The following INSL6 variants were observed in gnomAD, a reference collection of about 807,000 sequenced individuals.
The protein encoded by INSL6 is insulin like 6, also known as insulin-like peptide INSL6.
A neutral mutation model predicts 9.4 loss-of-function variants in INSL6; 16 were observed. That is an observed-to-expected ratio of 1.70 (90% CI 1.15 to 2.59). The LOEUF (loss-of-function observed/expected upper bound fraction) is 2.59, where lower values mean the gene tolerates loss of function less well. Ranked by LOEUF, INSL6 falls within the 30% of genes most tolerant of loss-of-function variation. The pLI, the probability that INSL6 is intolerant of heterozygous loss-of-function variation, is 0.00. For missense variants in INSL6, 391 were observed against 257.3 expected (o/e 1.52, Z -3.56); for synonymous variants, 154 against 96.9 (o/e 1.59, Z -3.46).
At chr9:5,119,012 C>T (rs1208089696), downstream of INSL6, among the ~76,000 whole-genome samples, 4 of 152,050 alleles carry the variant, frequency 2.6e-5, no homozygotes, top group Non-Finnish European at 4.4e-5. Flanking sequence ...TAAACTAATA[C>T]ATTCAGAAAA....
downstream of INSL6, chr9:5,122,996 A>G (rs770408175): frequency 6.3e-7 from 1 of 1,577,568 alleles, no homozygotes; most frequent in South Asian, 1.1e-5. Context: ...TTATTCATAT[A>G]TTTACAGGTA....
chr9:5,036,408 C>T, the INSL6 span, among the ~76,000 whole-genome samples: 8 of 152,094 alleles, frequency 5.3e-5, no homozygotes, highest in African/African-American at 1.9e-4. Context: ...AAAAAGAGCC[C>T]ACATTGCCAA....
At chr9:5,176,483 G>C (rs1275717658) in intron 1 of INSL6, among the ~76,000 whole-genome samples, 1 of 152,090 alleles carries the variant, frequency 6.6e-6, no homozygotes, top group Non-Finnish European at 1.5e-5. Flanking sequence ...TGGATGCTTA[G>C]TAGGTACCCA....
the INSL6 span, among the ~76,000 whole-genome samples, chr9:5,073,258 A>G: frequency 6.6e-6 from 1 of 152,232 alleles, no homozygotes; most frequent in Middle Eastern, 3.2e-3. Flanking sequence ...GAGTGATGTT[A>G]AAACTATGCT....
At chr9:5,112,708 A>C in the INSL6 span, 1 of 853,414 alleles carries the variant, frequency 1.2e-6, no homozygotes, top group Non-Finnish European at 1.7e-6. Flanking sequence ...AGCAAGTGCG[A>C]GAGCGGAACC....
At chr9:5,148,876 T>A (rs949077179) in intron 2 of INSL6, among the ~76,000 whole-genome samples, 1 of 152,182 alleles carries the variant, frequency 6.6e-6, no homozygotes, top group African/African-American at 2.4e-5. Flanking sequence ...CTGATTACAC[T>A]ACATACTCCT....
chr9:5,185,061 A>T (rs1406677027), intron 1 of INSL6, among the ~76,000 whole-genome samples: 3 of 152,180 alleles, frequency 2.0e-5, no homozygotes, highest in Non-Finnish European at 4.4e-5. Context: ...GATGACTGGC[A>T]CTCCAGAAAA....
At chr9:5,146,514 G>A (rs559813334) in intron 2 of INSL6, among the ~76,000 whole-genome samples, 1 of 152,160 alleles carries the variant, frequency 6.6e-6, no homozygotes, top group Non-Finnish European at 1.5e-5. Flanking sequence ...GGTGTGGGTG[G>A]CCTTCTCTGT....
chr9:5,170,833 T>TTGAGGCAGTA (rs1287748315), intron 1 of INSL6, among the ~76,000 whole-genome samples: 6 of 152,092 alleles, frequency 3.9e-5, no homozygotes. Context: ...AGTTCTGAAA[T>TTGAGGCAGTA]TGAGGCAGTA....
the INSL6 span, among the ~76,000 whole-genome samples, chr9:5,023,840 G>A: frequency 6.6e-6 from 1 of 151,244 alleles, no homozygotes; most frequent in Non-Finnish European, 1.5e-5. Flanking sequence ...TTTGTTGTGT[G>A]TAGTCTCTGA....
chr9:5,082,467 C>A, the INSL6 span, among the ~76,000 whole-genome samples: 2 of 152,230 alleles, frequency 1.3e-5, no homozygotes, highest in Non-Finnish European at 2.9e-5. Context: ...AGTTTTTCTC[C>A]TATCTCAGAA....
the INSL6 span, among the ~76,000 whole-genome samples, chr9:5,038,855 CA>C: frequency 6.6e-6 from 1 of 151,904 alleles, no homozygotes. Flanking sequence ...GTGTAACTTC[CA>C]AAAATCAATC....
At chr9:5,179,182 C>T (rs772610272) in intron 1 of INSL6, among the ~76,000 whole-genome samples, 1 of 151,948 alleles carries the variant, frequency 6.6e-6, no homozygotes, top group South Asian at 2.1e-4. Context: ...AAAAACAACC[C>T]CATTAAAAAG....
chr9:5,114,519 G>C, the INSL6 span: 105 of 469,576 alleles, frequency 2.2e-4, 1 homozygote, highest in South Asian at 1.8e-3. Flanking sequence ...TGCAACGCTA[G>C]AAGAGCCGAG....
At chr9:5,163,803 T>C, downstream of INSL6, 1 of 719,608 alleles carries the variant, frequency 1.4e-6, no homozygotes, top group Non-Finnish European at 2.3e-6. Flanking sequence ...TGCTTGCAAG[T>C]ACATTCAGAC....
At chr9:5,042,306 T>G in the INSL6 span, among the ~76,000 whole-genome samples, 17 of 149,156 alleles carry the variant, frequency 1.1e-4, no homozygotes, top group Non-Finnish European at 2.5e-4. Flanking sequence ...CCCGGCTAAT[T>G]TTTTGTATTT....
chr9:5,022,859 A>G, the INSL6 span, among the ~76,000 whole-genome samples: 1 of 152,240 alleles, frequency 6.6e-6, no homozygotes, highest in Non-Finnish European at 1.5e-5. Context: ...ACTAGTTGAC[A>G]CTATTTTGAA....
chr9:5,108,968 C>T, the INSL6 span: 1 of 152,086 alleles, frequency 6.6e-6, no homozygotes, highest in African/African-American at 2.4e-5. Context: ...CCTTCAAATA[C>T]TCCTCCCACT....
downstream of INSL6, among the ~76,000 whole-genome samples, chr9:5,160,154 C>T (rs903248866): frequency 8.5e-5 from 10 of 117,454 alleles, no homozygotes; most frequent in African/African-American, 3.0e-4. Flanking sequence ...CCAGCCTGGG[C>T]AACAAGAGTA....
Sources: allele counts gnomAD v4.1 joint callset (sites outside exome capture counted in the v4.1 genomes callset), GRCh38; gene constraint gnomAD v4.1.1; transcripts MANE v1.5; gene names NCBI Gene and HGNC (gene_info 2026-07-23, HGNC 2026-07-21).